RAP1GAP2: variants seen among roughly 807,000 people sequenced by gnomAD.
RAP1GAP2 encodes rap1 GTPase-activating protein 2.
In RAP1GAP2, 27 loss-of-function variants were observed where a neutral mutation model predicts 95.0. That is an observed-to-expected ratio of 0.28 (90% confidence interval 0.21 to 0.39). The LOEUF is 0.39. RAP1GAP2 is among the 10% of genes least tolerant of loss of function. The pLI is 1.00. For synonymous variants in RAP1GAP2, 373 were observed against 380.9 expected, an observed-to-expected ratio of 0.98 and a Z score of 0.24; for missense variants, 771 against 970.0, an observed-to-expected ratio of 0.79 and a Z score of 2.72.
rs908324556 is a variant in RAP1GAP2, at chr17:2,966,010, G to A, written c.596+367G>A. On this transcript the variant is annotated intron_variant, in intron 8 of 24. Coordinates refer to ENST00000254695, the MANE Select transcript of RAP1GAP2 (RefSeq NM_015085.5). ...AGCTCCGAGTCCTGGGAGAGGGTTC[G>A]CCAGAGTGCTGCCTGTGGTATACAT... 4.6e-5 allele frequency: 11 copies of A among 240,248 alleles called. No homozygotes were observed. The East Asian group carries it at 1.1e-3, about 23-fold the overall frequency. 14.9% of individuals were successfully genotyped at this position (240,248 alleles called of 1,614,324 possible). A position where few individuals can be genotyped will look rare whatever the true frequency, so the allele number is the denominator to read the frequency against.
chr17:2,912,383 C>G (rs1045843054), intron 3 of RAP1GAP2, among the ~76,000 whole-genome samples: 2 of 152,180 alleles, frequency 1.3e-5, no homozygotes, highest in Non-Finnish European at 2.9e-5. Flanking sequence ...GTTCCTGCCT[C>G]CTGTCTTCTG....
intron 11 of RAP1GAP2, among the ~76,000 whole-genome samples, chr17:2,990,673 G>A (rs528551863): frequency 8.5e-5 from 13 of 152,248 alleles, no homozygotes; most frequent in East Asian, 3.9e-4. Flanking sequence ...CAGTGGCTGC[G>A]TCATTTTCCA....
intron 3 of RAP1GAP2, among the ~76,000 whole-genome samples, chr17:2,919,395 T>C (rs1302552361): frequency 6.6e-6 from 1 of 152,218 alleles, no homozygotes; most frequent in Non-Finnish European, 1.5e-5. Flanking sequence ...ACTTGGATAA[T>C]TCGGGGCTGG....
Position 2,903,378 on chromosome 17 carries a change from T to C in RAP1GAP2, c.81-1906T>C, listed in dbSNP as rs1030699563. ...TCTGTTGTGCACACAGGCAGGTGAG[T>C]GTCTGGCAGAGCAGCCAGACTGGAG... On this transcript the variant is annotated intron_variant, in intron 2 of 24. Coordinates refer to ENST00000254695, the MANE Select transcript of RAP1GAP2 (RefSeq NM_015085.5). The surrounding 1 kb of genome is among the most constrained non-coding windows in gnomAD (Gnocchi z 4.1). Among the ~76,000 whole-genome samples, 7 of 152,032 alleles carry C rather than the reference T, an allele frequency of 4.6e-5. No homozygotes were observed. The highest frequency in any genetic ancestry group is 4.6e-4 in the Admixed American group (7 of 15,270).
chr17:3,024,861 C>G lies in RAP1GAP2; in HGVS notation c.1752-1147C>G, dbSNP rs540979315. Among the ~76,000 whole-genome samples, 112 of 152,308 alleles carry G rather than the reference C, an allele frequency of 7.4e-4. No individual in the cohort carries two copies. The Middle Eastern group carries it at 0.014, about 19-fold the overall frequency. ...ACATGAATGTCCAGAAGAGTACAAT[C>G]TACAGTGATGGCTTCGGGATTGGGT... On this transcript the variant is annotated intron_variant, in intron 19 of 24. Coordinates refer to ENST00000254695, the MANE Select transcript of RAP1GAP2 (RefSeq NM_015085.5).
chr17:2,876,886 CTTTTTTTT>C (rs34517318), intron 2 of RAP1GAP2, among the ~76,000 whole-genome samples: 1 of 127,512 alleles, frequency 7.8e-6, no homozygotes, highest in Admixed American at 8.1e-5. Flanking sequence ...GGTTTACGTT[CTTTTTTTT>C]TTTTTTTTTT....
intron 2 of RAP1GAP2, among the ~76,000 whole-genome samples, chr17:2,801,474 CAA>C (rs55905445): frequency 7.2e-6 from 1 of 139,598 alleles, no homozygotes; most frequent in Non-Finnish European, 1.5e-5. Flanking sequence ...GACTCTGTCT[CAA>C]AAAAAAAAAA....
intron 17 of RAP1GAP2, among the ~76,000 whole-genome samples, chr17:3,010,336 C>CAAAAAAAAAAAAAAAAAAAAAAA (rs1179623628): frequency 2.8e-5 from 2 of 70,276 alleles, no homozygotes; most frequent in Non-Finnish European, 5.3e-5. Flanking sequence ...GAGACTGTCT[C>CAAAAAAAAAAAAAAAAAAAAAAA]AAAAAAAAAA....
intron 3 of RAP1GAP2, among the ~76,000 whole-genome samples, chr17:2,920,928 G>A (rs1226385760): frequency 6.6e-6 from 1 of 152,164 alleles, no homozygotes; most frequent in East Asian, 1.9e-4. Context: ...CAAGCCTGCT[G>A]TGTCTGGGAC....
intron 2 of RAP1GAP2, among the ~76,000 whole-genome samples, chr17:2,806,213 A>G (rs1299941397): frequency 6.6e-6 from 1 of 152,002 alleles, no homozygotes; most frequent in Non-Finnish European, 1.5e-5. Flanking sequence ...AGAATTGAAA[A>G]TCCTGCTAGA....
intron 4 of RAP1GAP2, among the ~76,000 whole-genome samples, chr17:2,961,486 G>T (rs966438388): frequency 2.0e-5 from 3 of 152,254 alleles, no homozygotes; most frequent in Non-Finnish European, 4.4e-5. Context: ...CTGCACTCCA[G>T]CCTGGGCAAT....
chr17:2,896,359 C>T (rs2041825141), intron 2 of RAP1GAP2, among the ~76,000 whole-genome samples: 1 of 152,184 alleles, frequency 6.6e-6, no homozygotes, highest in Non-Finnish European at 1.5e-5. Flanking sequence ...CTGTCCCCTC[C>T]TCGCTCCCTG....
At chr17:2,864,117 G>A (rs1305879994) in intron 2 of RAP1GAP2, among the ~76,000 whole-genome samples, 1 of 151,422 alleles carries the variant, frequency 6.6e-6, no homozygotes, top group African/African-American at 2.4e-5. Context: ...CCCGTACGTA[G>A]CAGCATGCCA....
rs75218394 is a variant in RAP1GAP2, at chr17:2,972,807, T to A, written c.596+7164T>A. Among the ~76,000 whole-genome samples, 2,986 of 152,280 alleles carry A rather than the reference T, an allele frequency of 0.02. 168 individuals are homozygous for A. The East Asian group carries it at 0.21, about 10-fold the overall frequency. ...TTTTACCAATGCAGGATGGTTAATA[T>A]TAGGAAATTCATTCAGTGTTTGTTT... is the stretch of plus-strand genomic sequence containing the variant. On this transcript the variant is annotated intron_variant, in intron 8 of 24. Transcript: ENST00000254695.
chr17:2,935,834 C>T (rs1442371840), intron 3 of RAP1GAP2, among the ~76,000 whole-genome samples: 1 of 152,124 alleles, frequency 6.6e-6, no homozygotes, highest in African/African-American at 2.4e-5. Context: ...GACGCTCAGT[C>T]CCATGCTCTC....
intron 3 of RAP1GAP2, among the ~76,000 whole-genome samples, chr17:2,908,219 A>C (rs1340269193): frequency 2.0e-5 from 3 of 152,234 alleles, no homozygotes; most frequent in African/African-American, 7.2e-5. Context: ...AGAAGGCGAC[A>C]GCAAGAGGAA....
intron 3 of RAP1GAP2, among the ~76,000 whole-genome samples, chr17:2,937,294 T>C (rs1233550741): frequency 6.6e-6 from 1 of 152,216 alleles, no homozygotes; most frequent in Non-Finnish European, 1.5e-5. Context: ...CTCTTCTTCC[T>C]TGCTCCTTCT....
intron 2 of RAP1GAP2, among the ~76,000 whole-genome samples, chr17:2,875,504 A>G (rs1458661310): frequency 1.3e-5 from 2 of 152,086 alleles, no homozygotes; most frequent in Admixed American, 1.3e-4. Context: ...CGTCCAGTGT[A>G]TGGCTATGTG....
intron 1 of RAP1GAP2, among the ~76,000 whole-genome samples, chr17:2,764,460 C>T (rs140842636): frequency 0.033 from 4,958 of 151,792 alleles, 115 homozygotes; most frequent in South Asian, 0.044. Flanking sequence ...CGGTGGCTCA[C>T]GCCTGTAATC....
Sources: allele counts gnomAD v4.1 joint callset (sites outside exome capture counted in the v4.1 genomes callset), GRCh38; gene constraint gnomAD v4.1.1; non-coding constraint Gnocchi (gnomAD v3.1); transcripts MANE v1.5; gene names NCBI Gene and HGNC (gene_info 2026-07-23, HGNC 2026-07-21).